TSNAX: variants seen among roughly 807,000 people sequenced by gnomAD.
TSNAX encodes the protein translin-associated protein X.
TSNAX carries 12 observed loss-of-function variants against 33.0 expected under a neutral mutation model. The ratio of observed to expected loss-of-function variants is 0.36; its 90% confidence interval spans 0.23 to 0.59. The LOEUF is 0.59. Among genes scored for constraint, TSNAX ranks in the 20% least tolerant of loss-of-function variants. The pLI, the probability that TSNAX is intolerant of heterozygous loss-of-function variation, is 0.74. For synonymous variants in TSNAX, 110 were observed against 117.2 expected, an observed-to-expected ratio of 0.94 and a Z score of 0.40; for missense variants, 267 against 341.3, an observed-to-expected ratio of 0.78 and a Z score of 1.72.
chr1:231,543,741 G>T lies in TSNAX; in HGVS notation c.367+1130G>T, dbSNP rs150278136. ...CATTAGTTAAAACTGAGGGTGCATT[G>T]TTGGAAACTGAAGTGTAAAACAGTT... On this transcript the variant is annotated intron_variant, in intron 4 of 5. Transcript: ENST00000366639. Among the ~76,000 whole-genome samples, 1,419 of 152,304 alleles carry T rather than the reference G, an allele frequency of 9.3e-3. 29 individuals are homozygous for T. The highest frequency in any genetic ancestry group is 0.032 in the African/African-American group (1,321 of 41,548).
intron 5 of TSNAX, among the ~76,000 whole-genome samples, chr1:231,562,147 A>G (rs1219800719): frequency 6.7e-6 from 1 of 148,808 alleles, no homozygotes; most frequent in African/African-American, 2.4e-5. Flanking sequence ...AATAATTTAT[A>G]TTATTTAAAT....
intron 5 of TSNAX, among the ~76,000 whole-genome samples, chr1:231,562,833 T>C (rs914043471): frequency 6.6e-6 from 1 of 152,240 alleles, no homozygotes; most frequent in Non-Finnish European, 1.5e-5. Flanking sequence ...TTGTCAAAAC[T>C]ATTTAATTTT....
In TSNAX at chr1:231,542,700, C is replaced by A. The variant is rs1659656279; in HGVS notation, c.367+89C>A. 32 of 1,375,488 alleles carry A rather than the reference C, an allele frequency of 2.3e-5. 2 individuals carry two copies. In the South Asian group the frequency reaches 4.3e-4, roughly 18 times the overall value. The allele number at this position is 1,375,488 out of a possible 1,614,324, so 85.2% of individuals were successfully genotyped here. On this transcript the variant is annotated intron_variant, in intron 4 of 5. Coordinates refer to ENST00000366639, the MANE Select transcript of TSNAX (RefSeq NM_005999.3). ...GAGTTGCATGAATTTTAAGTGACAC[C>A]TGATGAAATAATAATACTGGCTTTT...
At chr1:231,550,286 C>T (rs1280178453) in intron 4 of TSNAX, among the ~76,000 whole-genome samples, 1 of 152,018 alleles carries the variant, frequency 6.6e-6, no homozygotes, top group East Asian at 1.9e-4. Context: ...ACAAATGTTA[C>T]TTTGGAGTGG....
intron 3 of TSNAX, among the ~76,000 whole-genome samples, chr1:231,538,342 A>G (rs149809020): frequency 3.9e-4 from 60 of 152,348 alleles, no homozygotes; most frequent in Non-Finnish European, 6.5e-4. Context: ...TACAGTTGTA[A>G]TCATATTATT....
At chr1:231,539,835 CTT>C (rs1233285486) in intron 3 of TSNAX, among the ~76,000 whole-genome samples, 1 of 151,846 alleles carries the variant, frequency 6.6e-6, no homozygotes, top group African/African-American at 2.4e-5. Flanking sequence ...AAATAAGAAA[CTT>C]AAGAAAAAAA....
chr1:231,533,774 C>G (rs1342355199), intron 2 of TSNAX, among the ~76,000 whole-genome samples: 1 of 152,144 alleles, frequency 6.6e-6, no homozygotes, highest in Non-Finnish European at 1.5e-5. Context: ...TATGTCTAAC[C>G]ATATATTCTG....
In TSNAX at chr1:231,537,272, C is replaced by G. The variant is rs774496340; in HGVS notation, c.181C>G (p.Arg61Gly). Residue 61 changes from arginine (R) to glycine (G), a missense_variant, in exon 3 of 6, where the codon CGG becomes GGG. Physicochemically the swap from Arg to Gly is moderately radical, Grantham distance 125. This residue lies in a region of TSNAX where 200 missense variants were observed against 214.1 expected (regional missense o/e 0.93). Coordinates refer to ENST00000366639, the MANE Select transcript of TSNAX (RefSeq NM_005999.3). ...ATATGAGAGACTTGTGAAACTTAGT[C>G]GGGATATAACTGTTGAAAGTAAAAG... The part of the protein sequence containing the change: ...DKYERLVKLS[R>G]DITVESKRTI... 6.2e-7 allele frequency: 1 copy of G among 1,613,306 alleles called. No individual in the cohort carries two copies. The highest frequency in any genetic ancestry group is 1.1e-5 in the South Asian group (1 of 90,956).
At chr1:231,533,397 G>T (rs564089248) in intron 2 of TSNAX, among the ~76,000 whole-genome samples, 1 of 152,136 alleles carries the variant, frequency 6.6e-6, no homozygotes, top group Non-Finnish European at 1.5e-5. Context: ...CATCGCGCCC[G>T]GCCCGGAAAG....
At chr1:231,537,635 G>A (rs112972147) in intron 3 of TSNAX, among the ~76,000 whole-genome samples, 5 of 151,832 alleles carry the variant, frequency 3.3e-5, no homozygotes, top group African/African-American at 1.2e-4. Flanking sequence ...CGGCTACTTG[G>A]GAGGCTGAGG....
chr1:231,539,117 G>T (rs974118678), intron 3 of TSNAX, among the ~76,000 whole-genome samples: 2 of 151,972 alleles, frequency 1.3e-5, no homozygotes, highest in Admixed American at 6.6e-5. Flanking sequence ...GTTTTTGCTT[G>T]TTTTCTCATA....
At chr1:231,549,936 G>A (rs950910795) in intron 4 of TSNAX, among the ~76,000 whole-genome samples, 1 of 152,188 alleles carries the variant, frequency 6.6e-6, no homozygotes, top group African/African-American at 2.4e-5. Flanking sequence ...AGATCGAGGT[G>A]TTGGCAAATT....
intron 4 of TSNAX, among the ~76,000 whole-genome samples, chr1:231,560,454 C>G (rs1661025378): frequency 8.7e-6 from 1 of 114,394 alleles, no homozygotes; most frequent in Admixed American, 1.1e-4. Flanking sequence ...CGCTCTTGTC[C>G]CCCAGGCTGG....
rs1367115167 is a variant in TSNAX, at chr1:231,566,470, T to C, written c.*1565T>C. 1 of 152,224 alleles carries C rather than the reference T, an allele frequency of 6.6e-6. No individual in the cohort carries two copies. The highest frequency in any genetic ancestry group is 1.5e-5 in the Non-Finnish European group (1 of 68,016). 9.4% of individuals were successfully genotyped at this position (152,224 alleles called of 1,614,324 possible). A position where few individuals can be genotyped will look rare whatever the true frequency, so the allele number is the denominator to read the frequency against. On this transcript the variant is annotated 3_prime_UTR_variant, in exon 6 of 6. Coordinates refer to ENST00000366639, the MANE Select transcript of TSNAX (RefSeq NM_005999.3). ...TTTGTAAGGGCTGATTCCTTGAAAA[T>C]GTAATTTTCCAGAAAAACACCTAAA...
rs769077257 is a variant in TSNAX at position 231,542,558 on chromosome 1, C to T, written c.314C>T (p.Ala105Val). 3.1e-6 allele frequency: 5 copies of T among 1,613,966 alleles called. No homozygotes were observed. The highest frequency in any genetic ancestry group is 8.5e-7 in the Non-Finnish European group (1 of 1,179,958). Residue 105 changes from alanine to valine, a missense_variant, in exon 4 of 6, where the codon GCC (alanine) becomes GTC (valine). Coordinates refer to ENST00000366639, the MANE Select transcript of TSNAX (RefSeq NM_005999.3). ...GTCAGACAAAAGATATTCCAGGTAG[C>T]CCAAGAGCTATCAGGGGAAGATATG... is the stretch of plus-strand genomic sequence containing the variant. ...DGVRQKIFQV[A>V]QELSGEDMHQ... is the part of the protein sequence containing the mutation.
chr1:231,565,852 C>G lies in TSNAX; in HGVS notation c.*947C>G, dbSNP rs1401318856. On this transcript the variant is annotated 3_prime_UTR_variant, in exon 6 of 6. Coordinates refer to ENST00000366639, the MANE Select transcript of TSNAX (RefSeq NM_005999.3). ...ACCTTCCATAAAAATTTGACAGGTG[C>G]CCAGATGTTGCTTTCTCCATTTATT... is the stretch of plus-strand genomic sequence containing the variant. 6.6e-6 allele frequency: 1 copy of G among 151,770 alleles called. No individual in the cohort carries two copies. Among genetic ancestry groups the G allele is most frequent in the Non-Finnish European group, 1.5e-5 (1 of 67,956 alleles). 9.4% of individuals were successfully genotyped at this position (151,770 alleles called of 1,614,324 possible).
In TSNAX at chr1:231,553,220, A is replaced by G. The variant is rs548555231; in HGVS notation, c.368-7908A>G. 1.3e-5 allele frequency among the ~76,000 whole-genome samples: 2 copies of G among 152,222 alleles called. 1 individual carries two copies. Among genetic ancestry groups the G allele is most frequent in the African/African-American group, 4.8e-5 (2 of 41,468 alleles). On this transcript the variant is annotated intron_variant, in intron 4 of 5. Transcript: ENST00000366639. ...TCAAATTTATAATGAAACCTTTGTCATATCTGTTTGCTTTTATATATAGTT... is the reference window on the plus strand; with the variant it reads ...TCAAATTTATAATGAAACCTTTGTCGTATCTGTTTGCTTTTATATATAGTT...
intron 3 of TSNAX, among the ~76,000 whole-genome samples, chr1:231,538,111 T>A (rs1451576313): frequency 6.6e-6 from 1 of 152,216 alleles, no homozygotes; most frequent in East Asian, 1.9e-4. Flanking sequence ...TACTTAATTC[T>A]TTTTCGAAAG....
intron 2 of TSNAX, among the ~76,000 whole-genome samples, chr1:231,532,130 TAACAC>T (rs1658767184): frequency 2.7e-5 from 1 of 37,436 alleles, no homozygotes; most frequent in African/African-American, 1.2e-4. Flanking sequence ...ATAGTGGTAA[TAACAC>T]ACACACACAC....
Sources: allele counts gnomAD v4.1 joint callset (sites outside exome capture counted in the v4.1 genomes callset), GRCh38; gene constraint gnomAD v4.1.1; regional missense constraint gnomAD v4.1.1; transcripts MANE v1.5; gene names NCBI Gene and HGNC (gene_info 2026-07-23, HGNC 2026-07-21).